The following INPP4B variants were observed in gnomAD, a reference collection of about 807,000 sequenced individuals.
INPP4B encodes the protein inositol polyphosphate-4-phosphatase type II B, also known as inositol polyphosphate 4-phosphatase type II.
INPP4B carries 55 observed loss-of-function variants against 122.5 expected under a neutral mutation model. That is an observed-to-expected ratio of 0.45 (90% confidence interval 0.36 to 0.56). The LOEUF is 0.56. Ranked by LOEUF, INPP4B falls within the 20% of genes least tolerant of loss-of-function variation. The pLI is 0.00. For missense variants in INPP4B, 1,000 were observed against 1,097.7 expected (o/e 0.91, Z 1.26); for synonymous variants, 403 against 388.7 (o/e 1.04, Z -0.43).
At chr4:142,654,367 T>TAAAAAAAAAAAAAA (rs10677341) in intron 2 of INPP4B, 1 of 100,998 alleles carries the variant, frequency 9.9e-6, no homozygotes, top group African/African-American at 3.9e-5. Flanking sequence ...ACTTAAAGTA[T>TAAAAAAAAAAAAAA]AAAAAAAAAA....
chr4:142,785,769 A>G (rs1193001977), intron 1 of INPP4B, among the ~76,000 whole-genome samples: 2 of 152,238 alleles, frequency 1.3e-5, no homozygotes, highest in East Asian at 3.9e-4. Flanking sequence ...CCAAGGGGGA[A>G]GAACTGTCTA....
intron 2 of INPP4B, among the ~76,000 whole-genome samples, chr4:142,514,847 A>T (rs1449030061): frequency 6.9e-6 from 1 of 145,392 alleles, no homozygotes; most frequent in African/African-American, 2.6e-5. Flanking sequence ...CCAGGCTGGA[A>T]TGCAGTGGCG....
intron 15 of INPP4B, among the ~76,000 whole-genome samples, chr4:142,183,542 G>A (rs79309690): frequency 0.028 from 3,438 of 123,078 alleles, 79 homozygotes; most frequent in Non-Finnish European, 0.04. Flanking sequence ...TTTATTTGTA[G>A]ATGACTGGCA....
intron 2 of INPP4B, among the ~76,000 whole-genome samples, chr4:142,644,610 A>G (rs1343727711): frequency 6.6e-6 from 1 of 151,768 alleles, no homozygotes; most frequent in Non-Finnish European, 1.5e-5. Flanking sequence ...TTTAAAGAGC[A>G]AAGAGGACAG....
At chr4:142,544,448 G>C (rs1466695495) in intron 2 of INPP4B, among the ~76,000 whole-genome samples, 1 of 152,102 alleles carries the variant, frequency 6.6e-6, no homozygotes, top group African/African-American at 2.4e-5. Flanking sequence ...GCTGCAGCTG[G>C]AGGATGCAGT....
chr4:142,402,782 A>G (rs1360050495), intron 7 of INPP4B, among the ~76,000 whole-genome samples, 156 bp downstream of exon 7: 2 of 152,214 alleles, frequency 1.3e-5, no homozygotes. Context: ...GCAACGAGAC[A>G]AACATATTTG....
intron 9 of INPP4B, among the ~76,000 whole-genome samples, chr4:142,286,299 T>A (rs994495712): frequency 2.0e-5 from 3 of 152,166 alleles, no homozygotes; most frequent in Non-Finnish European, 2.9e-5. Flanking sequence ...TATAAGAAAA[T>A]TTATCTATTA....
At chr4:142,754,461 G>T (rs762004706) in intron 1 of INPP4B, among the ~76,000 whole-genome samples, 1 of 151,828 alleles carries the variant, frequency 6.6e-6, no homozygotes, top group African/African-American at 2.4e-5. Context: ...CCCTGCCTAC[G>T]CCAATATTCA....
intron 2 of INPP4B, among the ~76,000 whole-genome samples, chr4:142,658,233 A>G (rs1197968211): frequency 1.3e-5 from 2 of 152,340 alleles, no homozygotes; most frequent in East Asian, 3.9e-4. Flanking sequence ...ATGGTTTATA[A>G]TAAGCTATAA....
intron 2 of INPP4B, among the ~76,000 whole-genome samples, chr4:142,647,794 T>C (rs1306777903): frequency 6.6e-6 from 1 of 152,242 alleles, no homozygotes; most frequent in Non-Finnish European, 1.5e-5. Flanking sequence ...CCCATGCTGA[T>C]TAATGTAAGA....
At position 142,583,825 on chromosome 4, in the gene INPP4B, T is replaced by C. The variant is rs1020844159; in HGVS notation, c.-190-121099A>G. Among the ~76,000 whole-genome samples the C allele has an allele frequency of 5.9e-5, 9 of 152,148 alleles. No homozygotes were observed. In the East Asian group the frequency reaches 1.7e-3, roughly 29 times the overall value. ...GGGGTAATCCTTTCTTTCCCCAAAT[T>C]ATATCTCAGAAAGTTCCCATAGCCT... On this transcript the variant is annotated intron_variant, in intron 2 of 25. Coordinates refer to ENST00000262992, the MANE Select transcript of INPP4B (RefSeq NM_001101669.3).
chr4:142,483,416 C>T (rs935746993), intron 2 of INPP4B, among the ~76,000 whole-genome samples: 3 of 151,894 alleles, frequency 2.0e-5, no homozygotes, highest in Admixed American at 6.6e-5. Flanking sequence ...ATAGCTCCCC[C>T]GAACTCTCTG....
At chr4:142,554,221 C>T (rs1446969286) in intron 2 of INPP4B, among the ~76,000 whole-genome samples, 3 of 147,708 alleles carry the variant, frequency 2.0e-5, no homozygotes, top group African/African-American at 7.5e-5. Context: ...AGAAAAAAGC[C>T]AGAGTCATCC....
intron 2 of INPP4B, among the ~76,000 whole-genome samples, chr4:142,513,543 G>A (rs896197854): frequency 1.3e-5 from 2 of 152,138 alleles, no homozygotes; most frequent in African/African-American, 4.8e-5. Flanking sequence ...GAGTAGCTGG[G>A]ATTACAGGCG....
At chr4:142,309,700 C>T (rs761084447) in intron 8 of INPP4B, among the ~76,000 whole-genome samples, 20 of 152,184 alleles carry the variant, frequency 1.3e-4, no homozygotes, top group Admixed American at 2.6e-4. Context: ...TCTGCCTGCA[C>T]GACATGCAGC....
intron 7 of INPP4B, among the ~76,000 whole-genome samples, chr4:142,362,255 G>A (rs960652745): frequency 2.0e-5 from 3 of 152,016 alleles, no homozygotes; most frequent in African/African-American, 4.8e-5. Context: ...GGGAGTAGGT[G>A]CAAACAAATA....
At chr4:142,282,420 C>T (rs1751616668) in intron 9 of INPP4B, among the ~76,000 whole-genome samples, 1 of 152,094 alleles carries the variant, frequency 6.6e-6, no homozygotes, top group African/African-American at 2.4e-5. Context: ...TTTCCATAAA[C>T]CCACTGACCT....
chr4:142,764,336 ACAT>A, intron 1 of INPP4B, among the ~76,000 whole-genome samples: 1 of 152,288 alleles, frequency 6.6e-6, no homozygotes, highest in East Asian at 1.9e-4. Flanking sequence ...ATGAACACAT[ACAT>A]CAAACAGATA....
rs565488558 is a variant in INPP4B, at chr4:142,758,706, G to A, written c.-253-32805C>T. Among the ~76,000 whole-genome samples the A allele has an allele frequency of 1.3e-4, 20 of 152,148 alleles. No individual in the cohort carries two copies. The South Asian group carries it at 4.2e-3, about 32-fold the overall frequency. On this transcript the variant is annotated intron_variant, in intron 1 of 25. Transcript: ENST00000262992. ...AATGTCTCACACCTGTAAGCTCAGCGCTTTGGGAGGCCAAGGCAGGTGGAT... is the reference window on the plus strand; with the variant it reads ...AATGTCTCACACCTGTAAGCTCAGCACTTTGGGAGGCCAAGGCAGGTGGAT...
Sources: gnomAD v4.1 joint callset for allele counts (sites outside exome capture counted in the v4.1 genomes callset) on GRCh38, gnomAD v4.1.1 for gene constraint, MANE v1.5 for transcripts, NCBI Gene and HGNC (gene_info 2026-07-23, HGNC 2026-07-21) for gene names.